Variants in PLEKHM3 observed in about 807,000 individuals in gnomAD.
PLEKHM3 encodes the protein pleckstrin homology domain-containing family M member 3.
In PLEKHM3, 45 loss-of-function variants were observed where a neutral mutation model predicts 81.8. That is an observed-to-expected ratio of 0.55 (90% CI 0.43 to 0.71). The LOEUF is 0.71. Among genes scored for constraint, PLEKHM3 ranks in the 30% least tolerant of loss-of-function variants. The probability of loss-of-function intolerance (pLI) is 0.00; values close to 1 mark genes in which losing one functional copy is unlikely to be tolerated. For synonymous variants in PLEKHM3, 352 were observed against 356.4 expected, an observed-to-expected ratio of 0.99 and a Z score of 0.14; for missense variants, 788 against 924.3, an observed-to-expected ratio of 0.85 and a Z score of 1.91.
intron 6 of PLEKHM3, among the ~76,000 whole-genome samples, chr2:207,905,834 T>TGGGGCTCCAGGGGCTAATGGCC (rs1688582988): frequency 6.6e-6 from 1 of 152,142 alleles, no homozygotes; most frequent in Non-Finnish European, 1.5e-5. Flanking sequence ...AAGCTGCTTA[T>TGGGGCTCCAGGGGCTAATGGCC]GGGGCTCCAG....
chr2:207,865,798 AAAAAGATAT>A (rs2092494168), intron 6 of PLEKHM3, among the ~76,000 whole-genome samples: 4 of 44,402 alleles, frequency 9.0e-5, no homozygotes, highest in African/African-American at 5.3e-4. Flanking sequence ...AAAAAAAAAA[AAAAAGATAT>A]ATATATATAT....
At chr2:208,007,518 G>A (rs1202936166) in intron 1 of PLEKHM3, among the ~76,000 whole-genome samples, 1 of 152,182 alleles carries the variant, frequency 6.6e-6, no homozygotes, top group Non-Finnish European at 1.5e-5. Flanking sequence ...AACACAGATG[G>A]AATCCCATTT....
At chr2:208,022,774 C>T (rs1365808074) in intron 1 of PLEKHM3, among the ~76,000 whole-genome samples, 1 of 152,154 alleles carries the variant, frequency 6.6e-6, no homozygotes, top group Non-Finnish European at 1.5e-5. Flanking sequence ...GAAAATCTCA[C>T]CATTTTAAAT....
intron 5 of PLEKHM3, among the ~76,000 whole-genome samples, chr2:207,922,133 C>T (rs578007286): frequency 1.3e-5 from 2 of 152,254 alleles, no homozygotes; most frequent in African/African-American, 4.8e-5. Flanking sequence ...TCTCCACATC[C>T]TTGCTGGTGG....
At chr2:207,910,606 G>T (rs1204438846) in intron 5 of PLEKHM3, among the ~76,000 whole-genome samples, 4 of 152,168 alleles carry the variant, frequency 2.6e-5, no homozygotes, top group African/African-American at 9.7e-5. Flanking sequence ...ATTTCTTGGG[G>T]CTGGGGGTAG....
At chr2:207,915,271 G>A (rs1017438724) in intron 5 of PLEKHM3, among the ~76,000 whole-genome samples, 1 of 152,226 alleles carries the variant, frequency 6.6e-6, no homozygotes, top group African/African-American at 2.4e-5. Context: ...CTTATATTAT[G>A]TAGCTGGTAC....
chr2:207,856,156 T>A (rs2092436291), intron 7 of PLEKHM3, among the ~76,000 whole-genome samples: 1 of 152,192 alleles, frequency 6.6e-6, no homozygotes, highest in South Asian at 2.1e-4. Flanking sequence ...TTTTTATTAA[T>A]AATAGACTAT....
intron 3 of PLEKHM3, among the ~76,000 whole-genome samples, chr2:207,965,513 G>A (rs2106006563): frequency 6.6e-6 from 1 of 152,066 alleles, no homozygotes; most frequent in South Asian, 2.1e-4. Context: ...AGACCAACAT[G>A]TGACTTCTAT....
intron 4 of PLEKHM3, among the ~76,000 whole-genome samples, chr2:207,938,704 A>T (rs1689840938): frequency 6.6e-6 from 1 of 152,244 alleles, no homozygotes; most frequent in East Asian, 1.9e-4. Flanking sequence ...TGGTCCACTA[A>T]GAACTTGGGA....
At chr2:208,016,081 C>T (rs1349183015) in intron 1 of PLEKHM3, among the ~76,000 whole-genome samples, 1 of 152,074 alleles carries the variant, frequency 6.6e-6, no homozygotes, top group African/African-American at 2.4e-5. Context: ...GTAATCGCAG[C>T]TACTCGGGAG....
intron 7 of PLEKHM3, among the ~76,000 whole-genome samples, chr2:207,830,709 A>G (rs1386420789): frequency 1.1e-5 from 1 of 93,970 alleles, no homozygotes; most frequent in Admixed American, 1.1e-4. Flanking sequence ...TGTCCTTAGA[A>G]GTGTCCTTAG....
At chr2:207,893,273 G>A (rs1425548565) in intron 6 of PLEKHM3, among the ~76,000 whole-genome samples, 2 of 152,198 alleles carry the variant, frequency 1.3e-5, no homozygotes, top group Non-Finnish European at 1.5e-5. Flanking sequence ...TTGACACTGC[G>A]TGCCAGCAGG....
chr2:207,859,552 G>A (rs1391162769), intron 7 of PLEKHM3, among the ~76,000 whole-genome samples: 1 of 151,432 alleles, frequency 6.6e-6, no homozygotes, highest in African/African-American at 2.4e-5. Flanking sequence ...TAGCTATTAC[G>A]AATGCTGCTG....
intron 1 of PLEKHM3, among the ~76,000 whole-genome samples, chr2:208,003,659 T>C (rs947936335): frequency 6.6e-6 from 1 of 152,248 alleles, no homozygotes; most frequent in Non-Finnish European, 1.5e-5. Context: ...TTTAGAGATA[T>C]ACATTAGTTA....
At chr2:207,914,793 C>T (rs1460105568) in intron 5 of PLEKHM3, among the ~76,000 whole-genome samples, 1 of 152,070 alleles carries the variant, frequency 6.6e-6, no homozygotes, top group Non-Finnish European at 1.5e-5. Context: ...CTTAGCAGTC[C>T]TTTGGTAAAC....
At chr2:208,012,073 G>A (rs1292927326) in intron 1 of PLEKHM3, among the ~76,000 whole-genome samples, 1 of 151,736 alleles carries the variant, frequency 6.6e-6, no homozygotes, top group Non-Finnish European at 1.5e-5. Flanking sequence ...ACGGAGTCTC[G>A]CTCTGTCGCC....
chr2:207,899,597 G>A (rs1387737959), intron 6 of PLEKHM3, among the ~76,000 whole-genome samples: 1 of 152,180 alleles, frequency 6.6e-6, no homozygotes, highest in Non-Finnish European at 1.5e-5. Context: ...GCACAGGTGG[G>A]ATGGAAAGAT....
At chr2:207,876,615 T>G (rs1174265731) in intron 6 of PLEKHM3, among the ~76,000 whole-genome samples, 1 of 152,218 alleles carries the variant, frequency 6.6e-6, no homozygotes, top group Non-Finnish European at 1.5e-5. Context: ...TAGCCATATC[T>G]AATACCAGGC....
chr2:207,893,070 C>T (rs1688109351), intron 6 of PLEKHM3, among the ~76,000 whole-genome samples: 1 of 152,232 alleles, frequency 6.6e-6, no homozygotes, highest in Non-Finnish European at 1.5e-5. Flanking sequence ...GAACTAACTC[C>T]TGGCTCCAAT....
Sources: gnomAD v4.1 joint callset for allele counts (sites outside exome capture counted in the v4.1 genomes callset) on GRCh38, gnomAD v4.1.1 for gene constraint, MANE v1.5 for transcripts, NCBI Gene and HGNC (gene_info 2026-07-23, HGNC 2026-07-21) for gene names.